Variants in SCARB1 observed in about 807,000 individuals in gnomAD.
SCARB1 encodes the protein CD36 and LIMPII analogous 1.
In SCARB1, 30 loss-of-function variants were observed where a neutral mutation model predicts 57.2. The observed-to-expected ratio is 0.52, with a 90% CI of 0.39 to 0.71. The LOEUF (loss-of-function observed/expected upper bound fraction) is 0.71, where lower values mean the gene tolerates loss of function less well. Among genes scored for constraint, SCARB1 ranks in the 30% least tolerant of loss-of-function variants. The pLI is 0.00. For missense variants in SCARB1, 543 were observed against 671.2 expected (o/e 0.81, Z 2.11); for synonymous variants, 249 against 268.3 (o/e 0.93, Z 0.70).
At chr12:124,792,414 G>A (rs1242916072) in intron 9 of SCARB1, among the ~76,000 whole-genome samples, 1 of 152,048 alleles carries the variant, frequency 6.6e-6, no homozygotes, top group Non-Finnish European at 1.5e-5. Flanking sequence ...GCACAATCCA[G>A]CTGCCCGCGT....
At chr12:124,857,114 C>T (rs982207245) in intron 1 of SCARB1, among the ~76,000 whole-genome samples, 15 of 152,130 alleles carry the variant, frequency 9.9e-5, no homozygotes, top group Non-Finnish European at 2.2e-4. Context: ...ACACGGAGAA[C>T]CGGGAGGACG....
chr12:124,829,771 T>G (rs2038011307), intron 1 of SCARB1, among the ~76,000 whole-genome samples: 1 of 152,238 alleles, frequency 6.6e-6, no homozygotes, highest in African/African-American at 2.4e-5. Flanking sequence ...TGAGCCCCAC[T>G]GTATGGCAGG....
intron 1 of SCARB1, among the ~76,000 whole-genome samples, chr12:124,831,460 G>A (rs1951387041): frequency 1.3e-5 from 2 of 152,132 alleles, no homozygotes; most frequent in Admixed American, 6.5e-5. Context: ...CTCTTCAGAT[G>A]TTCAATACAC....
intron 1 of SCARB1, chr12:124,821,549 C>T: frequency 1.0e-6 from 1 of 985,368 alleles, no homozygotes; most frequent in Non-Finnish European, 1.2e-6. Flanking sequence ...TCATTCAGCA[C>T]TGCCCAAAGG....
chr12:124,819,949 G>T (rs1330323895), intron 1 of SCARB1, among the ~76,000 whole-genome samples: 1 of 152,224 alleles, frequency 6.6e-6, no homozygotes, highest in African/African-American at 2.4e-5. Flanking sequence ...GACCTACGTG[G>T]CGTGTCAATG....
At chr12:124,842,181 C>T (rs1468407445) in intron 1 of SCARB1, among the ~76,000 whole-genome samples, 1 of 152,198 alleles carries the variant, frequency 6.6e-6, no homozygotes, top group Non-Finnish European at 1.5e-5. Context: ...GAATGCAAAG[C>T]GCCCCACGCC....
At position 124,858,377 on chromosome 12, in the gene SCARB1, G is replaced by A. The variant is rs143313606; in HGVS notation, c.126+5218C>T. The stretch of plus-strand genomic sequence containing the variant: ...GGATGCCATGAAGTTCACAATCGCG[G>A]CCCTTAGTGTGCCTGTCCAAACACC... On this transcript the variant is annotated intron_variant, in intron 1 of 12. Coordinates refer to ENST00000261693, the MANE Select transcript of SCARB1 (RefSeq NM_005505.5). 3.3e-3 allele frequency among the ~76,000 whole-genome samples: 509 copies of A among 152,182 alleles called. 4 individuals are homozygous for A. The highest frequency in any genetic ancestry group is 0.012 in the African/African-American group (491 of 41,518).
At chr12:124,837,769 T>C (rs1302067295) in intron 1 of SCARB1, among the ~76,000 whole-genome samples, 1 of 148,560 alleles carries the variant, frequency 6.7e-6, no homozygotes, top group South Asian at 2.1e-4. Context: ...CCAGGCGTGG[T>C]GGCACATGCC....
In SCARB1 at chr12:124,782,674, G is replaced by A. The variant is rs753824794; in HGVS notation, c.*9C>T. On this transcript the variant is annotated intron_variant, in intron 12 of 12. Transcript: ENST00000261693. ...GGCGGGGAGGCGCACGGCATTACCT[G>A]GTACCCACCTACAGTTTTGCTTCCT... 1 of 1,613,782 alleles carries A rather than the reference G, an allele frequency of 6.2e-7. No homozygotes were observed. Among genetic ancestry groups the A allele is most frequent in the South Asian group, 1.1e-5 (1 of 91,048 alleles).
chr12:124,782,720 G>A lies in SCARB1; in HGVS notation c.1493C>T (p.Ala498Val). The A allele has an allele frequency of 6.2e-7, 1 of 1,614,112 alleles. No individual in the cohort carries two copies. ...QAYSESLMTS[A>V]PKGSVLQEAK... is the part of the protein sequence containing the mutation. The stretch of plus-strand genomic sequence containing the variant: ...TTCCTGCAGCACAGAGCCCTTGGGA[G>A]CTGATGTCATCAGGGATTCAGAATA... Residue 498 changes from alanine (A) to valine (V), a missense_variant, in exon 12 of 13, where the codon GCT (alanine) becomes GTT (valine). By Grantham distance (64) the Ala-to-Val change is moderately conservative (BLOSUM62 0). Transcript: ENST00000261693.
chr12:124,814,838 G>A lies in SCARB1; in HGVS notation c.426+135C>T, dbSNP rs899709091. 16 of 1,174,232 alleles carry A rather than the reference G, an allele frequency of 1.4e-5. No individual in the cohort carries two copies. The South Asian group carries it at 1.6e-4, about 11-fold the overall frequency. The allele number at this position is 1,174,232 out of a possible 1,614,324, so 72.7% of individuals were successfully genotyped here. A position where few individuals can be genotyped will look rare whatever the true frequency, so the allele number is the denominator to read the frequency against. ...GGGGTGGTGGAGACAGCACAGGGCC[G>A]AAAGCCACCCACCAGGCGTGAGTCC... On this transcript the variant is annotated intron_variant, in intron 3 of 12. Coordinates refer to ENST00000261693, the MANE Select transcript of SCARB1 (RefSeq NM_005505.5). The surrounding 1 kb of genome is among the most constrained non-coding windows in gnomAD (Gnocchi z 4.7).
In SCARB1 at chr12:124,800,763, G is replaced by A. The variant is rs527801530; in HGVS notation, c.1010-521C>T. On this transcript the variant is annotated intron_variant, in intron 7 of 12. Coordinates refer to ENST00000261693, the MANE Select transcript of SCARB1 (RefSeq NM_005505.5). The surrounding 1 kb of genome is among the most constrained non-coding windows in gnomAD (Gnocchi z 4.8). ...GTGGCCAGATCTCCCTGCATCCACA[G>A]GAGTGTGTCCCTGTAGACACACCTG... Among the ~76,000 whole-genome samples the A allele has an allele frequency of 6.6e-6, 1 of 152,304 alleles. No homozygotes were observed. Among genetic ancestry groups the A allele is most frequent in the South Asian group, 2.1e-4 (1 of 4,832 alleles).
chr12:124,833,914 C>T (rs1373595269), intron 1 of SCARB1, among the ~76,000 whole-genome samples: 1 of 152,238 alleles, frequency 6.6e-6, no homozygotes. Context: ...CACTCTCCCG[C>T]AGCTGCTTTC....
At chr12:124,845,117 T>C (rs1353312675) in intron 1 of SCARB1, among the ~76,000 whole-genome samples, 1 of 150,900 alleles carries the variant, frequency 6.6e-6, no homozygotes, top group African/African-American at 2.4e-5. Flanking sequence ...GCGAGAGGGG[T>C]GAGGGGAAGG....
rs1172678591 is a variant in SCARB1 at position 124,812,396 on chromosome 12, G to A, written c.631-431C>T. Among the ~76,000 whole-genome samples, 1 of 152,208 alleles carries A rather than the reference G, an allele frequency of 6.6e-6. No individual in the cohort carries two copies. Among genetic ancestry groups the A allele is most frequent in the Admixed American group, 6.5e-5 (1 of 15,284 alleles). On this transcript the variant is annotated intron_variant, in intron 4 of 12. Transcript: ENST00000261693. The surrounding 1 kb of genome is among the most constrained non-coding windows in gnomAD (Gnocchi z 4.3). ...CTGCCGCTGCTATAGCAGCCAAGGA[G>A]GTATGTGTCAAGACAGAGCCTCCCT...
intron 12 of SCARB1, 31 bp downstream of exon 12, chr12:124,782,652 G>A (rs375871012): frequency 1.6e-5 from 25 of 1,610,058 alleles, no homozygotes; most frequent in South Asian, 3.3e-5. Flanking sequence ...GGGAGGGGGC[G>A]GGGAGGCGCA....
intron 12 of SCARB1, among the ~76,000 whole-genome samples, chr12:124,779,653 A>G (rs2135513848): frequency 6.6e-6 from 1 of 152,332 alleles, no homozygotes; most frequent in East Asian, 1.9e-4. Context: ...AATTAAAAAT[A>G]CAGATAATGC....
chr12:124,812,376 G>A lies in SCARB1; in HGVS notation c.631-411C>T, dbSNP rs1293589683. On this transcript the variant is annotated intron_variant, in intron 4 of 12. Transcript: ENST00000261693. The surrounding 1 kb of genome is among the most constrained non-coding windows in gnomAD (Gnocchi z 4.3). ...CACGCCTTTCACCGGGCTCTCTGCC[G>A]CTGCTATAGCAGCCAAGGAGGTATG... Among the ~76,000 whole-genome samples the A allele has an allele frequency of 2.6e-5, 4 of 152,320 alleles. No homozygotes were observed. Among genetic ancestry groups the A allele is most frequent in the Middle Eastern group, 3.4e-3 (1 of 294 alleles).
chr12:124,797,089 A>C (rs1451247660), intron 8 of SCARB1, among the ~76,000 whole-genome samples: 1 of 152,112 alleles, frequency 6.6e-6, no homozygotes, highest in African/African-American at 2.4e-5. Flanking sequence ...TGGGCACTGA[A>C]TTTCTAATGA....
Sources: gnomAD v4.1 joint callset for allele counts (sites outside exome capture counted in the v4.1 genomes callset) on GRCh38, gnomAD v4.1.1 for gene constraint, Gnocchi (gnomAD v3.1) non-coding constraint, MANE v1.5 for transcripts, NCBI Gene and HGNC (gene_info 2026-07-23, HGNC 2026-07-21) for gene names.